Variants in VRK3 observed in about 807,000 individuals in gnomAD.
The protein encoded by VRK3 is serine/threonine-protein kinase VRK3.
A neutral mutation model predicts 60.4 loss-of-function variants in VRK3; 50 were observed. The observed-to-expected ratio is 0.83, with a 90% CI of 0.66 to 1.05. The LOEUF (loss-of-function observed/expected upper bound fraction) is 1.05, where lower values mean the gene tolerates loss of function less well. VRK3 is among the 50% of genes least tolerant of loss of function. The pLI is 0.00. For synonymous variants in VRK3, 246 were observed against 227.8 expected (o/e 1.08, Z -0.72); for missense variants, 549 against 585.3 (o/e 0.94, Z 0.64).
intron 5 of VRK3, among the ~76,000 whole-genome samples, chr19:50,004,281 C>T (rs1233629336): frequency 6.6e-6 from 1 of 152,030 alleles, no homozygotes; most frequent in African/African-American, 2.4e-5. Flanking sequence ...CCTTCCCCGC[C>T]CTCCTGCCCT....
chr19:50,000,946 G>C, intron 5 of VRK3, 92 bp from the exon 6 acceptor site: 1 of 1,258,902 alleles, frequency 7.9e-7, no homozygotes, highest in Non-Finnish European at 1.1e-6. Flanking sequence ...AAGCGGCTCT[G>C]GTGCCCTGGT....
At position 50,009,289 on chromosome 19, in the gene VRK3, T is replaced by C; in HGVS notation, c.236A>G (p.Asp79Gly). 4.3e-6 allele frequency: 7 copies of C among 1,614,196 alleles called. No homozygotes were observed. Among genetic ancestry groups the C allele is most frequent in the Non-Finnish European group, 5.9e-6 (7 of 1,180,020 alleles). Reference sequence around the variant, plus strand: ...ATCTTCAGACTCAGAACTGTCACCATCTGAGAAGAGGGATAATCGGGGAGA... The same window carrying C: ...ATCTTCAGACTCAGAACTGTCACCACCTGAGAAGAGGGATAATCGGGGAGA... ...VTSPRLSLFS[D>G]GDSSESEDTL... The change falls in exon 4 of 15, where the codon GAT becomes GGT. Residue 79 changes from aspartate to glycine, a missense_variant. Coordinates refer to ENST00000316763, the MANE Select transcript of VRK3 (RefSeq NM_016440.4).
intron 3 of VRK3, among the ~76,000 whole-genome samples, chr19:50,015,270 C>T (rs2077056923): frequency 6.6e-6 from 1 of 152,022 alleles, no homozygotes; most frequent in Non-Finnish European, 1.5e-5. Flanking sequence ...TGAGTGTCAA[C>T]AGGATGCTCA....
intron 9 of VRK3, among the ~76,000 whole-genome samples, chr19:49,994,130 C>G (rs938555856): frequency 6.6e-6 from 1 of 152,204 alleles, no homozygotes; most frequent in Admixed American, 6.5e-5. Flanking sequence ...CCTTAGGACT[C>G]AGCATGTCGC....
At chr19:49,983,169 C>T (rs1441609720) in intron 12 of VRK3, among the ~76,000 whole-genome samples, 3 of 151,750 alleles carry the variant, frequency 2.0e-5, no homozygotes, top group Non-Finnish European at 4.4e-5. Context: ...ACACACTGGC[C>T]ACCCTCTGAC....
chr19:50,000,563 A>T, intron 6 of VRK3: 2 of 579,748 alleles, frequency 3.4e-6, no homozygotes, highest in African/African-American at 1.9e-5. Context: ...GTCACACAGC[A>T]GGGAAGCATC....
chr19:50,016,306 A>G (rs928324274), intron 2 of VRK3, 143 bp from the exon 3 acceptor site: 3 of 1,083,302 alleles, frequency 2.8e-6, no homozygotes, highest in Non-Finnish European at 4.0e-6. Flanking sequence ...CACTTCTTAA[A>G]ACATGCAATG....
intron 2 of VRK3, among the ~76,000 whole-genome samples, chr19:50,017,776 T>G (rs2077101866): frequency 6.6e-6 from 1 of 152,010 alleles, no homozygotes; most frequent in Admixed American, 6.6e-5. Flanking sequence ...GCTCAAGCAA[T>G]CTTCCCAGGT....
rs557121170 is a variant in VRK3, at chr19:49,983,655, C to T, written c.1218-2642G>A. 5.1e-4 allele frequency among the ~76,000 whole-genome samples: 77 copies of T among 152,388 alleles called. 1 individual carries two copies. Among genetic ancestry groups the T allele is most frequent in the South Asian group, 3.5e-3 (17 of 4,830 alleles). On this transcript the variant is annotated intron_variant, in intron 12 of 14. Transcript: ENST00000316763. Reference sequence around the variant, plus strand: ...TGCCAGAAAGCCTCGGGGACTTCAACGGCCTCTCCTCCTTCTTTTACTCAT... The same window carrying T: ...TGCCAGAAAGCCTCGGGGACTTCAATGGCCTCTCCTCCTTCTTTTACTCAT...
At chr19:50,004,872 C>T (rs771858437) in intron 5 of VRK3, among the ~76,000 whole-genome samples, 5 of 151,766 alleles carry the variant, frequency 3.3e-5, no homozygotes, top group Non-Finnish European at 7.4e-5. Context: ...ATTGCACAAC[C>T]GCACTCCAGC....
intron 7 of VRK3, 51 bp downstream of exon 7, chr19:49,997,453 A>C: frequency 6.2e-7 from 1 of 1,601,978 alleles, no homozygotes. Context: ...GCTGTGACCA[A>C]GTTGGCGCCC....
Position 50,023,603 on chromosome 19 carries a change from A to T in VRK3, c.-65+1664T>A, listed in dbSNP as rs376631933. ...GAATGTAAGCTTCATGATGGCGGGGACTTTTCCCTGCCTTGTTTGCCACAG... is the reference window on the plus strand; with the variant it reads ...GAATGTAAGCTTCATGATGGCGGGGTCTTTTCCCTGCCTTGTTTGCCACAG... On this transcript the variant is annotated intron_variant, in intron 1 of 14. Coordinates refer to ENST00000316763, the MANE Select transcript of VRK3 (RefSeq NM_016440.4). Among the ~76,000 whole-genome samples, 42 of 152,308 alleles carry T rather than the reference A, an allele frequency of 2.8e-4. 1 individual carries two copies. Among genetic ancestry groups the T allele is most frequent in the African/African-American group, 3.6e-4 (15 of 41,572 alleles).
intron 1 of VRK3, among the ~76,000 whole-genome samples, chr19:50,024,151 T>C (rs536937752): frequency 1.3e-5 from 2 of 152,190 alleles, no homozygotes; most frequent in Non-Finnish European, 2.9e-5. Flanking sequence ...TTGGCCAGGC[T>C]GGTCTCGAAC....
chr19:49,981,061 C>T (rs2123000175), intron 12 of VRK3, 48 bp from the exon 13 acceptor site: 1 of 1,563,124 alleles, frequency 6.4e-7, no homozygotes, highest in Non-Finnish European at 8.8e-7. Context: ...GAAAGGAGAG[C>T]AACCTTTTAA....
At chr19:49,996,087 A>G (rs988287316) in intron 7 of VRK3, among the ~76,000 whole-genome samples, 1 of 151,868 alleles carries the variant, frequency 6.6e-6, no homozygotes, top group Admixed American at 6.6e-5. Context: ...ACATCCAACT[A>G]ATTTTTGTAT....
intron 5 of VRK3, among the ~76,000 whole-genome samples, chr19:50,005,016 A>C (rs1600699290): frequency 6.8e-6 from 1 of 147,580 alleles, no homozygotes; most frequent in South Asian, 2.1e-4. Flanking sequence ...CCTCTCCCTC[A>C]CCTTTCCTGG....
intron 5 of VRK3, among the ~76,000 whole-genome samples, chr19:50,003,379 C>T (rs1418006897): frequency 6.6e-6 from 1 of 152,248 alleles, no homozygotes; most frequent in African/African-American, 2.4e-5. Context: ...GAAACTAACA[C>T]AAGCCCCACC....
chr19:50,008,631 CCCCAG>C (rs2076942469), intron 4 of VRK3: 2 of 153,120 alleles, frequency 1.3e-5, no homozygotes, highest in Admixed American at 1.3e-4. Flanking sequence ...TGCAAAGGGC[CCCCAG>C]CCCAGAAAGT....
chr19:49,981,413 C>T (rs1438344876), intron 12 of VRK3, among the ~76,000 whole-genome samples: 2 of 152,102 alleles, frequency 1.3e-5, no homozygotes, highest in Non-Finnish European at 2.9e-5. Flanking sequence ...GGTGTGGTGG[C>T]GGGTGCCTGT....
Sources: gnomAD v4.1 joint callset for allele counts (sites outside exome capture counted in the v4.1 genomes callset) on GRCh38, gnomAD v4.1.1 for gene constraint, MANE v1.5 for transcripts, NCBI Gene and HGNC (gene_info 2026-07-23, HGNC 2026-07-21) for gene names.